Variants in C4orf51 observed in about 807,000 individuals in gnomAD.
C4orf51 encodes uncharacterized protein C4orf51.
A neutral mutation model predicts 25.2 loss-of-function variants in C4orf51; 25 were observed. That is an observed-to-expected ratio of 0.99 (90% CI 0.72 to 1.39). The LOEUF is 1.39. Among genes scored for constraint, C4orf51 ranks in the 40% most tolerant of loss-of-function variants. The pLI is 0.00. For missense variants in C4orf51, 252 were observed against 239.6 expected, an observed-to-expected ratio of 1.05 and a Z score of -0.34; for synonymous variants, 100 against 84.5, an observed-to-expected ratio of 1.18 and a Z score of -1.01.
intron 1 of C4orf51, among the ~76,000 whole-genome samples, chr4:145,749,071 ATATATATATATATATG>A (rs1733537001): frequency 6.7e-6 from 1 of 148,356 alleles, no homozygotes; most frequent in African/African-American, 2.4e-5. Flanking sequence ...GTGTGTATAT[ATATATATATATATATG>A]TATATATATT....
intron 2 of C4orf51, among the ~76,000 whole-genome samples, chr4:145,721,387 T>C (rs1482276796): frequency 1.3e-5 from 2 of 150,358 alleles, no homozygotes; most frequent in Non-Finnish European, 3.0e-5. Flanking sequence ...CCAATATGTC[T>C]AGGTAGAGTG....
intron 2 of C4orf51, among the ~76,000 whole-genome samples, chr4:145,718,564 C>A (rs1404991302): frequency 6.6e-6 from 1 of 152,228 alleles, no homozygotes; most frequent in Non-Finnish European, 1.5e-5. Context: ...CACTGGACTA[C>A]CCCATAAGTC....
chr4:145,777,121 A>C, the C4orf51 span, among the ~76,000 whole-genome samples: 1 of 152,256 alleles, frequency 6.6e-6, no homozygotes, highest in African/African-American at 2.4e-5. Flanking sequence ...TCTTCTCTAC[A>C]AAATATGAGA....
In C4orf51 at chr4:145,729,152, A is replaced by T. The variant is rs200784292; in HGVS notation, c.367-17A>T. On this transcript the variant is annotated splice_polypyrimidine_tract_variant and intron_variant, in intron 3 of 5. Transcript: ENST00000438731. ...ATGAAAGTGGTTGGTATTTATTTCT[A>T]TCTCTCCTTTTTATAGGCACATCAA... 6.5e-7 allele frequency: 1 copy of T among 1,548,094 alleles called. No individual in the cohort carries two copies. The highest frequency in any genetic ancestry group is 8.9e-7 in the Non-Finnish European group (1 of 1,123,462).
chr4:145,729,541 TCCTC>T (rs1346097406), intron 4 of C4orf51, among the ~76,000 whole-genome samples: 1 of 152,116 alleles, frequency 6.6e-6, no homozygotes, highest in East Asian at 1.9e-4. Flanking sequence ...GACCTTGTGA[TCCTC>T]CCTCCTTGGC....
At chr4:145,776,358 G>A in the C4orf51 span, among the ~76,000 whole-genome samples, 3 of 152,116 alleles carry the variant, frequency 2.0e-5, no homozygotes, top group South Asian at 6.2e-4. Context: ...CTACTTGGGA[G>A]GAGGAGGTGG....
chr4:145,773,819 C>T (rs1166271136), downstream of C4orf51, among the ~76,000 whole-genome samples: 1 of 152,134 alleles, frequency 6.6e-6, no homozygotes, highest in Non-Finnish European at 1.5e-5. Context: ...TTAAGGAGAG[C>T]GTCAGGGCTG....
chr4:145,760,738 G>A, intron 1 of C4orf51: 20 of 406,398 alleles, frequency 4.9e-5, no homozygotes, highest in Non-Finnish European at 5.9e-5. Flanking sequence ...TTTTTTTTTT[G>A]TCTTTTGTCT....
chr4:145,731,767 A>C (rs1732495372), intron 5 of C4orf51, among the ~76,000 whole-genome samples: 1 of 151,916 alleles, frequency 6.6e-6, no homozygotes, highest in Admixed American at 6.6e-5. Flanking sequence ...TTTTTAGTAG[A>C]GACAGGGTTT....
At chr4:145,717,283 A>G (rs539926918) in intron 2 of C4orf51, among the ~76,000 whole-genome samples, 3 of 152,302 alleles carry the variant, frequency 2.0e-5, no homozygotes, top group African/African-American at 7.2e-5. Flanking sequence ...TTATTATAGT[A>G]AAGCACTGGG....
In C4orf51 at chr4:145,753,391, A is replaced by G. The variant is rs994675466; in HGVS notation, n.168-816A>G. Among the ~76,000 whole-genome samples, 6 of 152,160 alleles carry G rather than the reference A, an allele frequency of 3.9e-5. No individual in the cohort carries two copies. The South Asian group carries it at 1.0e-3, about 26-fold the overall frequency. ...GTATGTACCTATGCATTCTTTATATATACATTCTATGTATCCATGTGGCCA... is the reference window on the plus strand; with the variant it reads ...GTATGTACCTATGCATTCTTTATATGTACATTCTATGTATCCATGTGGCCA... On this transcript the variant is annotated intron_variant and non_coding_transcript_variant, in intron 1 of 1. Transcript: ENST00000508981.
chr4:145,748,129 A>C (rs574343506), intron 1 of C4orf51, among the ~76,000 whole-genome samples: 21 of 152,110 alleles, frequency 1.4e-4, no homozygotes, highest in African/African-American at 5.1e-4. Context: ...GGTTGTATGC[A>C]TCTAGAACTT....
chr4:145,708,482 T>C (rs1260498981), intron 2 of C4orf51, among the ~76,000 whole-genome samples: 1 of 152,186 alleles, frequency 6.6e-6, no homozygotes, highest in African/African-American at 2.4e-5. Flanking sequence ...AGGTGTCCCC[T>C]CTTACTTTCC....
chr4:145,789,935 T>A, the C4orf51 span, among the ~76,000 whole-genome samples: 1 of 152,270 alleles, frequency 6.6e-6, no homozygotes, highest in Non-Finnish European at 1.5e-5. Context: ...ACCCAACTCC[T>A]CTTTGGCCTC....
chr4:145,774,453 T>C (rs1736737901), downstream of C4orf51: 2 of 1,567,798 alleles, frequency 1.3e-6, no homozygotes, highest in Non-Finnish European at 1.7e-6. Context: ...GCAGGTGCTC[T>C]GGGGTGCAGG....
At chr4:145,728,022 AT>A (rs1231760609) in intron 3 of C4orf51, among the ~76,000 whole-genome samples, 1 of 121,102 alleles carries the variant, frequency 8.3e-6, no homozygotes, top group Admixed American at 1.0e-4. Flanking sequence ...TGTATATATA[AT>A]ATATATTATA....
intron 2 of C4orf51, among the ~76,000 whole-genome samples, chr4:145,703,213 C>T (rs1038888697): frequency 5.3e-5 from 8 of 151,570 alleles, no homozygotes; most frequent in South Asian, 4.2e-4. Context: ...TGTAAATGGC[C>T]GGTCCTTGCC....
chr4:145,770,820 G>C (rs1488384271), intron 1 of C4orf51, among the ~76,000 whole-genome samples: 1 of 152,112 alleles, frequency 6.6e-6, no homozygotes, highest in Admixed American at 6.6e-5. Context: ...TAAATTCCCA[G>C]AGATGGGATT....
chr4:145,761,658 T>TC lies in C4orf51; in HGVS notation n.167-9329dup. 9.5e-7 allele frequency: 1 copy of TC among 1,047,764 alleles called. No homozygotes were observed. The highest frequency in any genetic ancestry group is 1.3e-6 in the Non-Finnish European group (1 of 796,036). The allele number at this position is 1,047,764 out of a possible 1,614,324, so 64.9% of individuals were successfully genotyped here. A position where few individuals can be genotyped will look rare whatever the true frequency, so the allele number is the denominator to read the frequency against. ...GGGAAGGTTCGGAGGCAGCCGCGCTTCTCGCCGCCTCACCAGCCTTCCCTC... is the reference window on the plus strand; with the variant it reads ...GGGAAGGTTCGGAGGCAGCCGCGCTTCCTCGCCGCCTCACCAGCCTTCCCTC... On this transcript the variant is annotated intron_variant and non_coding_transcript_variant, in intron 1 of 1. Coordinates refer to the C4orf51 transcript ENST00000510096. The surrounding 1 kb of genome is among the most constrained non-coding windows in gnomAD (Gnocchi z 6.8).
Sources: gnomAD v4.1 joint callset for allele counts (sites outside exome capture counted in the v4.1 genomes callset) on GRCh38, gnomAD v4.1.1 for gene constraint, Gnocchi (gnomAD v3.1) non-coding constraint, MANE v1.5 for transcripts, NCBI Gene and HGNC (gene_info 2026-07-23, HGNC 2026-07-21) for gene names.